NKAIN2: variants seen among roughly 807,000 people sequenced by gnomAD.
The protein encoded by NKAIN2 is sodium/potassium transporting ATPase interacting 2.
NKAIN2 carries 14 observed loss-of-function variants against 32.6 expected under a neutral mutation model. That is an observed-to-expected ratio of 0.43 (90% confidence interval 0.28 to 0.67). The LOEUF is 0.67. Among genes scored for constraint, NKAIN2 ranks in the 30% least tolerant of loss-of-function variants. The pLI is 0.17. For missense variants in NKAIN2, 198 were observed against 258.3 expected (o/e 0.77, Z 1.60); for synonymous variants, 80 against 87.2 (o/e 0.92, Z 0.46).
At chr6:124,441,708 T>C (rs1038529280) in intron 3 of NKAIN2, among the ~76,000 whole-genome samples, 1 of 152,076 alleles carries the variant, frequency 6.6e-6, no homozygotes, top group Non-Finnish European at 1.5e-5. Context: ...AGCAGAGAAG[T>C]GTTGCTGATT....
chr6:124,544,212 C>T (rs1780009561), intron 3 of NKAIN2, among the ~76,000 whole-genome samples: 2 of 152,172 alleles, frequency 1.3e-5, no homozygotes, highest in Middle Eastern at 3.4e-3. Flanking sequence ...GGGAGCCAAT[C>T]AGCTCCAAAT....
chr6:124,669,396 T>G (rs190294045), intron 4 of NKAIN2, among the ~76,000 whole-genome samples: 24 of 152,152 alleles, frequency 1.6e-4, no homozygotes, highest in African/African-American at 5.8e-4. Flanking sequence ...ATATCTATAG[T>G]ATGTTCAGTA....
At position 124,420,653 on chromosome 6, in the gene NKAIN2, A is replaced by G. The variant is rs531724029; in HGVS notation, c.273+65306A>G. Among the ~76,000 whole-genome samples, 3 of 152,232 alleles carry G rather than the reference A, an allele frequency of 2.0e-5. No individual in the cohort carries two copies. The South Asian group carries it at 6.2e-4, about 32-fold the overall frequency. On this transcript the variant is annotated intron_variant, in intron 3 of 6. Coordinates refer to ENST00000368417, the MANE Select transcript of NKAIN2 (RefSeq NM_001040214.3). ...GCATTTTCTCTTTGAATGTTCCAACATTATCCCAGATTGTTTGAGATTGGC... is the reference window on the plus strand; with the variant it reads ...GCATTTTCTCTTTGAATGTTCCAACGTTATCCCAGATTGTTTGAGATTGGC...
intron 1 of NKAIN2, among the ~76,000 whole-genome samples, chr6:124,096,726 C>T (rs897025013): frequency 6.6e-6 from 1 of 151,692 alleles, no homozygotes; most frequent in Admixed American, 6.6e-5. Context: ...GGCGTGGTGG[C>T]GGATGCCTGT....
chr6:124,801,077 A>T (rs1054424689), intron 5 of NKAIN2, among the ~76,000 whole-genome samples: 1 of 152,084 alleles, frequency 6.6e-6, no homozygotes, highest in African/African-American at 2.4e-5. Flanking sequence ...TTGGCTCCAA[A>T]CCCGTCACCC....
At chr6:124,101,570 T>A (rs1433659802) in intron 1 of NKAIN2, among the ~76,000 whole-genome samples, 3 of 151,750 alleles carry the variant, frequency 2.0e-5, no homozygotes, top group African/African-American at 7.3e-5. Context: ...CAAAGCAGGG[T>A]TTTTTTTGTT....
intron 1 of NKAIN2, among the ~76,000 whole-genome samples, chr6:124,174,243 A>T (rs981092348): frequency 2.0e-5 from 3 of 152,160 alleles, no homozygotes; most frequent in African/African-American, 7.2e-5. Flanking sequence ...AATTCATGGA[A>T]TGCCACAGAA....
intron 3 of NKAIN2, among the ~76,000 whole-genome samples, chr6:124,414,327 CTT>C (rs1425284483): frequency 2.0e-5 from 3 of 152,032 alleles, no homozygotes; most frequent in East Asian, 1.9e-4. Flanking sequence ...ATTATATTGA[CTT>C]TTGAATTTTA....
At chr6:124,740,062 CA>C (rs1433351153) in intron 4 of NKAIN2, among the ~76,000 whole-genome samples, 1 of 151,604 alleles carries the variant, frequency 6.6e-6, no homozygotes, top group Non-Finnish European at 1.5e-5. Flanking sequence ...GCACAGAAAT[CA>C]ATTGCTTTTC....
At chr6:124,177,772 CA>C in intron 1 of NKAIN2, among the ~76,000 whole-genome samples, 1 of 27,702 alleles carries the variant, frequency 3.6e-5, no homozygotes. Flanking sequence ...TCTGTTCATC[CA>C]TTTTTTTTTT....
chr6:124,440,779 A>G (rs1330712500), intron 3 of NKAIN2, among the ~76,000 whole-genome samples: 1 of 152,052 alleles, frequency 6.6e-6, no homozygotes, highest in Non-Finnish European at 1.5e-5. Flanking sequence ...ATATAACGGG[A>G]CACTTCTTTG....
intron 1 of NKAIN2, among the ~76,000 whole-genome samples, chr6:124,225,622 G>T (rs2114713159): frequency 6.6e-6 from 1 of 151,792 alleles, no homozygotes; most frequent in South Asian, 2.1e-4. Flanking sequence ...ATAATATTGT[G>T]TTCAAAATAA....
intron 1 of NKAIN2, among the ~76,000 whole-genome samples, chr6:124,123,825 T>C (rs1409023064): frequency 6.6e-6 from 1 of 152,104 alleles, no homozygotes; most frequent in Non-Finnish European, 1.5e-5. Flanking sequence ...CACTCAAAAC[T>C]GCAAGGAGAT....
At chr6:124,752,691 G>A (rs1777779384) in intron 4 of NKAIN2, among the ~76,000 whole-genome samples, 1 of 151,982 alleles carries the variant, frequency 6.6e-6, no homozygotes, top group Non-Finnish European at 1.5e-5. Context: ...GGGTAGGTCA[G>A]CAGAGCTCAT....
intron 1 of NKAIN2, among the ~76,000 whole-genome samples, chr6:123,967,865 G>A (rs1778160398): frequency 1.3e-5 from 2 of 152,088 alleles, no homozygotes; most frequent in East Asian, 1.9e-4. Context: ...AAGGTGCCCT[G>A]AGGAGCCAGT....
At chr6:124,585,150 T>C (rs183075327) in intron 3 of NKAIN2, among the ~76,000 whole-genome samples, 1 of 152,310 alleles carries the variant, frequency 6.6e-6, no homozygotes, top group African/African-American at 2.4e-5. Flanking sequence ...GATCCTATCG[T>C]TGGCAAAAAC....
intron 1 of NKAIN2, among the ~76,000 whole-genome samples, chr6:123,822,986 C>T (rs1215795861): frequency 7.2e-6 from 1 of 139,308 alleles, no homozygotes; most frequent in Non-Finnish European, 1.5e-5. Context: ...TAACGTACAG[C>T]CAGGATAAAT....
chr6:124,148,304 G>T (rs113431616), intron 1 of NKAIN2, among the ~76,000 whole-genome samples: 1 of 151,826 alleles, frequency 6.6e-6, no homozygotes, highest in East Asian at 1.9e-4. Context: ...GAATTTGGTG[G>T]TTTTTTTAGT....
intron 1 of NKAIN2, among the ~76,000 whole-genome samples, chr6:124,170,110 T>A (rs1447368936): frequency 6.6e-6 from 1 of 152,182 alleles, no homozygotes; most frequent in African/African-American, 2.4e-5. Flanking sequence ...TCTCTATTCC[T>A]GTAAATCCTC....
Sources: allele counts gnomAD v4.1 joint callset (sites outside exome capture counted in the v4.1 genomes callset), GRCh38; gene constraint gnomAD v4.1.1; transcripts MANE v1.5; gene names NCBI Gene and HGNC (gene_info 2026-07-23, HGNC 2026-07-21).